The following MTFMT variants were observed in gnomAD, a reference collection of about 807,000 sequenced individuals.
The protein encoded by MTFMT is methionyl-tRNA formyltransferase, mitochondrial.
In MTFMT, 47 loss-of-function variants were observed where a neutral mutation model predicts 51.8. The ratio of observed to expected loss-of-function variants is 0.91; its 90% CI spans 0.72 to 1.16. MTFMT has a LOEUF of 1.16. MTFMT is among the 50% of genes most tolerant of loss of function. The probability of loss-of-function intolerance (pLI) is 0.00; values close to 1 mark genes in which losing one functional copy is unlikely to be tolerated. For synonymous variants in MTFMT, 196 were observed against 176.7 expected (o/e 1.11, Z -0.87); for missense variants, 512 against 482.3 (o/e 1.06, Z -0.58).
At chr15:65,022,248 G>C (rs141751650) in intron 3 of MTFMT, among the ~76,000 whole-genome samples, 8 of 152,150 alleles carry the variant, frequency 5.3e-5, no homozygotes, top group African/African-American at 1.9e-4. Flanking sequence ...GGATCACGAG[G>C]TCAAGAGATC....
chr15:65,024,107 A>G (rs997876289), intron 2 of MTFMT, among the ~76,000 whole-genome samples: 8 of 152,068 alleles, frequency 5.3e-5, no homozygotes, highest in Non-Finnish European at 2.9e-5. Context: ...CGGGCGGATC[A>G]CTTGAGATCG....
Position 65,003,150 on chromosome 15 carries a change from T to C in MTFMT, c.1082A>G (p.Gln361Arg). The C allele has an allele frequency of 6.2e-7, 1 of 1,613,784 alleles. No individual in the cohort carries two copies. ...HPWYQKNSQA[Q>R]PSQCRFQTLR... ...AGTCTGAAATCTGCATTGGCTTGGT[T>C]GAGCTTGGGAATTTTTCTGGTACCA... is the stretch of plus-strand genomic sequence containing the variant. Residue 361 changes from glutamine (Q) to arginine (R), a missense_variant, in exon 9 of 9, where the codon CAA becomes CGA. Physicochemically the swap from Gln to Arg is conservative, Grantham distance 43. Coordinates refer to ENST00000220058, the MANE Select transcript of MTFMT (RefSeq NM_139242.4).
At chr15:65,017,266 A>G (rs1487442515) in intron 5 of MTFMT, among the ~76,000 whole-genome samples, 1 of 152,138 alleles carries the variant, frequency 6.6e-6, no homozygotes, top group Non-Finnish European at 1.5e-5. Context: ...CAAAAGATAT[A>G]CTACCACCCA....
chr15:65,008,740 T>C (rs1254095104), intron 6 of MTFMT, among the ~76,000 whole-genome samples: 8 of 152,250 alleles, frequency 5.3e-5, no homozygotes, highest in Admixed American at 2.0e-4. Flanking sequence ...TTCTATAACT[T>C]GCTAGCTCAC....
intron 6 of MTFMT, among the ~76,000 whole-genome samples, chr15:65,014,002 T>C (rs982743705): frequency 2.0e-5 from 3 of 152,050 alleles, no homozygotes; most frequent in Non-Finnish European, 4.4e-5. Flanking sequence ...TTAGTCATCA[T>C]GTATAATCCT....
At chr15:65,018,012 A>G (rs932968467) in intron 5 of MTFMT, among the ~76,000 whole-genome samples, 2 of 152,224 alleles carry the variant, frequency 1.3e-5, no homozygotes, top group Non-Finnish European at 2.9e-5. Flanking sequence ...TGTTACCTAT[A>G]GAGGGAGGAA....
chr15:65,020,055 T>C (rs1404402493), intron 5 of MTFMT, 142 bp downstream of exon 5: 3 of 702,170 alleles, frequency 4.3e-6, no homozygotes, highest in Admixed American at 3.1e-5. Context: ...GAATGCTTTC[T>C]ACCATTCTTT....
chr15:65,022,321 C>T (rs1342418469), intron 3 of MTFMT, among the ~76,000 whole-genome samples: 2 of 151,970 alleles, frequency 1.3e-5, no homozygotes, highest in African/African-American at 4.8e-5. Context: ...GGCATGGTAG[C>T]GTGTGCCTGT....
chr15:65,006,878 C>T (rs2086223920), intron 6 of MTFMT, among the ~76,000 whole-genome samples: 1 of 151,900 alleles, frequency 6.6e-6, no homozygotes, highest in Non-Finnish European at 1.5e-5. Context: ...GTATTTTTTT[C>T]TACAAATATT....
At chr15:65,004,653 G>A (rs1289988417) in intron 8 of MTFMT, among the ~76,000 whole-genome samples, 1 of 152,140 alleles carries the variant, frequency 6.6e-6, no homozygotes, top group African/African-American at 2.4e-5. Flanking sequence ...CTTTCTTTGA[G>A]TAATAATAAT....
intron 3 of MTFMT, 82 bp from the exon 4 acceptor site, chr15:65,021,698 C>T: frequency 8.8e-7 from 1 of 1,139,698 alleles, no homozygotes. Context: ...AAGATACAAG[C>T]TGGGTACAGT....
rs141614857 is a variant in MTFMT at position 65,003,685 on chromosome 15, C to T, written c.976-429G>A. On this transcript the variant is annotated intron_variant, in intron 8 of 8. Transcript: ENST00000220058. ...CAGCCTGACCAACATGGCGAAACCC[C>T]GTCCTTACAAAAATACAAAAATTAG... Among the ~76,000 whole-genome samples the T allele has an allele frequency of 4.9e-4, 74 of 150,604 alleles. No homozygotes were observed. In the East Asian group the frequency reaches 0.011, roughly 23 times the overall value.
At chr15:65,027,254 G>A (rs988636303) in intron 1 of MTFMT, among the ~76,000 whole-genome samples, 1 of 150,728 alleles carries the variant, frequency 6.6e-6, no homozygotes, top group Non-Finnish European at 1.5e-5. Context: ...CTGGAGTGCA[G>A]TGGAGCGATC....
In MTFMT at chr15:65,021,623, A is replaced by C. The variant is rs1385280889; in HGVS notation, c.543-7T>G. On this transcript the variant is annotated splice_polypyrimidine_tract_variant and splice_region_variant and intron_variant, in intron 3 of 8. Transcript: ENST00000220058. ...AATTGGGCCTACATCAAACCTAGCA[A>C]AAAATCAAAAGCAAATAATGACAAT... 5.1e-6 allele frequency: 8 copies of C among 1,554,084 alleles called. No homozygotes were observed. Among genetic ancestry groups the C allele is most frequent in the Non-Finnish European group, 7.0e-6 (8 of 1,138,708 alleles).
At chr15:65,024,620 A>G (rs992023159) in intron 2 of MTFMT, among the ~76,000 whole-genome samples, 4 of 152,078 alleles carry the variant, frequency 2.6e-5, no homozygotes, top group Admixed American at 2.0e-4. Context: ...GCCCAATCCA[A>G]CATTCACTGA....
intron 6 of MTFMT, among the ~76,000 whole-genome samples, chr15:65,012,331 C>G (rs548045590): frequency 6.6e-6 from 1 of 151,360 alleles, no homozygotes; most frequent in East Asian, 1.9e-4. Context: ...ATAAAAAGAA[C>G]TATCTTTTGG....
At chr15:65,003,295 G>T (rs761686614) in intron 8 of MTFMT, 39 bp from the exon 9 acceptor site, 2 of 1,516,856 alleles carry the variant, frequency 1.3e-6, no homozygotes, top group Non-Finnish European at 1.8e-6. Flanking sequence ...GGCAGGGGTG[G>T]CAAAACTAAA....
Position 65,016,515 on chromosome 15 carries a change from G to A in MTFMT, c.734C>T (p.Ser245Phe). The A allele has an allele frequency of 6.2e-7, 1 of 1,610,768 alleles. No homozygotes were observed. The highest frequency in any genetic ancestry group is 8.5e-7 in the Non-Finnish European group (1 of 1,177,466). The change falls in exon 6 of 9, where the codon TCT becomes TTT. Residue 245 changes from serine to phenylalanine, a missense_variant. Physicochemically the swap from Ser to Phe is radical, Grantham distance 155. Transcript: ENST00000220058. ...CCATTTTATACAACTGGTACCAGCA[G>A]AAATCTTAGGGGCTACAAGATAAAA... is the stretch of plus-strand genomic sequence containing the variant. ...MEGATYAPKISAGTSCIKWEE... is the reference protein window; with the variant it reads ...MEGATYAPKIFAGTSCIKWEE...
At chr15:65,024,341 C>T (rs2086402774) in intron 2 of MTFMT, among the ~76,000 whole-genome samples, 1 of 151,954 alleles carries the variant, frequency 6.6e-6, no homozygotes, top group African/African-American at 2.4e-5. Context: ...CTACAACAGC[C>T]CATGATGTCT....
Sources: gnomAD v4.1 joint callset for allele counts (sites outside exome capture counted in the v4.1 genomes callset) on GRCh38, gnomAD v4.1.1 for gene constraint, MANE v1.5 for transcripts, NCBI Gene and HGNC (gene_info 2026-07-23, HGNC 2026-07-21) for gene names.